Variants in PIWIL2 observed in about 807,000 individuals in gnomAD.
The protein encoded by PIWIL2 is piwi like RNA-mediated gene silencing 2, also known as piwi-like protein 2.
Under a neutral mutation model 116.5 loss-of-function variants are expected in PIWIL2, and 81 were observed. The ratio of observed to expected loss-of-function variants is 0.70; its 90% CI spans 0.58 to 0.84. The LOEUF is 0.84. PIWIL2 is among the 40% of genes least tolerant of loss of function. The pLI is 0.00. For synonymous variants in PIWIL2, 489 were observed against 429.5 expected (o/e 1.14, Z -1.71); for missense variants, 1,272 against 1,212.3 (o/e 1.05, Z -0.73).
chr8:22,340,623 G>A lies in PIWIL2; in HGVS notation c.2404-12336G>A, dbSNP rs115162346. Among the ~76,000 whole-genome samples, 984 of 152,276 alleles carry A rather than the reference G, an allele frequency of 6.5e-3. 12 individuals carry two copies. Among genetic ancestry groups the A allele is most frequent in the African/African-American group, 0.023 (941 of 41,570 alleles). On this transcript the variant is annotated intron_variant, in intron 20 of 22. Coordinates refer to ENST00000356766, the MANE Select transcript of PIWIL2 (RefSeq NM_018068.5). ...CGGGAGAAGGCAACAGGAAGGAGGAGGCAGAGATTGGAAGAATGTATCTGC... is the reference window on the plus strand; with the variant it reads ...CGGGAGAAGGCAACAGGAAGGAGGAAGCAGAGATTGGAAGAATGTATCTGC...
intron 20 of PIWIL2, among the ~76,000 whole-genome samples, chr8:22,322,572 C>A (rs1831623968): frequency 6.6e-6 from 1 of 150,894 alleles, no homozygotes; most frequent in Non-Finnish European, 1.5e-5. Context: ...CAGCTGAATA[C>A]CCTGTCCTGT....
chr8:22,347,488 A>T (rs1418794103), intron 20 of PIWIL2, among the ~76,000 whole-genome samples: 3 of 139,298 alleles, frequency 2.2e-5, no homozygotes, highest in Admixed American at 7.2e-5. Flanking sequence ...AAGTGCTGGG[A>T]TTACAGGCGT....
At chr8:22,283,877 A>G (rs531302396) in intron 5 of PIWIL2, among the ~76,000 whole-genome samples, 4 of 152,314 alleles carry the variant, frequency 2.6e-5, no homozygotes, top group South Asian at 4.1e-4. Context: ...ATCTTTCTCC[A>G]TAGAACTCAT....
intron 20 of PIWIL2, among the ~76,000 whole-genome samples, chr8:22,327,524 C>T (rs1425081164): frequency 6.6e-6 from 1 of 150,914 alleles, no homozygotes; most frequent in Admixed American, 6.6e-5. Flanking sequence ...TGCACCACCA[C>T]GCCCAGCTAA....
At chr8:22,280,510 G>A (rs1427550642) in intron 2 of PIWIL2, among the ~76,000 whole-genome samples, 1 of 152,206 alleles carries the variant, frequency 6.6e-6, no homozygotes, top group African/African-American at 2.4e-5. Flanking sequence ...TTTGTCAAAT[G>A]TATTATTTTT....
rs1830657135 is a variant in PIWIL2, at chr8:22,287,556, T to A, written c.772T>A (p.Phe258Ile). Residue 258 changes from phenylalanine to isoleucine, a missense_variant, in exon 7 of 23, where the codon TTC (phenylalanine) becomes ATC (isoleucine). Coordinates refer to ENST00000356766, the MANE Select transcript of PIWIL2 (RefSeq NM_018068.5). ...CAATGTGGAGTGCAAAAGCATGAGG[T>A]TCGGCATGTTGAAGGACCATCAAGC... is the stretch of plus-strand genomic sequence containing the variant. Reference protein sequence around the residue: ...SPNVECKSMRFGMLKDHQAVT... With the variant: ...SPNVECKSMRIGMLKDHQAVT... 8 of 1,613,664 alleles carry A rather than the reference T, an allele frequency of 5.0e-6. No homozygotes were observed. The highest frequency in any genetic ancestry group is 6.8e-6 in the Non-Finnish European group (8 of 1,179,526).
At chr8:22,323,544 A>T (rs1831657433) in intron 20 of PIWIL2, among the ~76,000 whole-genome samples, 1 of 152,128 alleles carries the variant, frequency 6.6e-6, no homozygotes, top group Admixed American at 6.5e-5. Flanking sequence ...CATTTTTTTT[A>T]AATCAGTGTT....
rs1390614932 is a variant in PIWIL2 at position 22,357,094 on chromosome 8, C to G, written c.*1589C>G. ...AAAACTCCGTAAAATGTGCTCACTT[C>G]AGCAGCACATATACTAAAATTAAAA... On this transcript the variant is annotated 3_prime_UTR_variant, in exon 23 of 23. Coordinates refer to ENST00000356766, the MANE Select transcript of PIWIL2 (RefSeq NM_018068.5). The G allele has an allele frequency of 6.6e-6, 1 of 152,108 alleles. No homozygotes were observed. The highest frequency in any genetic ancestry group is 1.5e-5 in the Non-Finnish European group (1 of 68,038). 9.4% of individuals were successfully genotyped at this position (152,108 alleles called of 1,614,324 possible). A position where few individuals can be genotyped will look rare whatever the true frequency, so the allele number is the denominator to read the frequency against.
intron 10 of PIWIL2, among the ~76,000 whole-genome samples, chr8:22,293,317 C>G (rs1208370694): frequency 1.3e-5 from 2 of 151,964 alleles, no homozygotes; most frequent in Non-Finnish European, 2.9e-5. Context: ...TTCAAAAAAA[C>G]AGAACTAGTT....
chr8:22,285,842 G>T (rs1048330442), intron 6 of PIWIL2, among the ~76,000 whole-genome samples: 4 of 151,802 alleles, frequency 2.6e-5, no homozygotes, highest in Non-Finnish European at 4.4e-5. Context: ...TCGGGGTTTT[G>T]CCATGTCGAC....
intron 18 of PIWIL2, 48 bp from the exon 19 acceptor site, chr8:22,316,197 C>A: frequency 9.2e-7 from 1 of 1,088,504 alleles, no homozygotes; most frequent in Non-Finnish European, 1.4e-6. Flanking sequence ...TGGAGGAATG[C>A]ATTGCTCAGG....
chr8:22,313,116 A>G (rs1201312605), intron 16 of PIWIL2, among the ~76,000 whole-genome samples: 1 of 152,214 alleles, frequency 6.6e-6, no homozygotes, highest in African/African-American at 2.4e-5. Flanking sequence ...TACAACTGAC[A>G]GTTTTCATGT....
intron 20 of PIWIL2, among the ~76,000 whole-genome samples, chr8:22,337,391 TTA>T (rs1275657132): frequency 6.6e-6 from 1 of 152,028 alleles, no homozygotes; most frequent in Non-Finnish European, 1.5e-5. Context: ...AGAAAACAAT[TTA>T]TGATTGCATA....
chr8:22,352,742 T>C (rs879810862), intron 20 of PIWIL2: 3 of 479,814 alleles, frequency 6.3e-6, no homozygotes, highest in Non-Finnish European at 1.1e-5. Context: ...TCATGTTTTA[T>C]AACACCTTTG....
At chr8:22,335,989 A>C (rs1464530550) in intron 20 of PIWIL2, among the ~76,000 whole-genome samples, 1 of 152,252 alleles carries the variant, frequency 6.6e-6, no homozygotes, top group East Asian at 1.9e-4. Flanking sequence ...GTAGAGACCC[A>C]AAAACAGAGG....
intron 10 of PIWIL2, among the ~76,000 whole-genome samples, chr8:22,302,372 G>A (rs1444812535): frequency 6.6e-6 from 1 of 151,928 alleles, no homozygotes; most frequent in Admixed American, 6.6e-5. Flanking sequence ...AGTAGAAATG[G>A]GTTTCATCAT....
intron 7 of PIWIL2, 136 bp downstream of exon 7, chr8:22,287,781 A>G (rs1156966240): frequency 1.4e-5 from 9 of 657,030 alleles, no homozygotes; most frequent in Admixed American, 8.5e-5. Context: ...CCCTGGGACT[A>G]CAGGCGTGTG....
intron 16 of PIWIL2, among the ~76,000 whole-genome samples, chr8:22,312,476 G>C (rs1831357276): frequency 6.6e-6 from 1 of 152,178 alleles, no homozygotes; most frequent in South Asian, 2.1e-4. Flanking sequence ...ATGTTGCCCA[G>C]GCTGGTCTCG....
At chr8:22,305,082 T>G (rs554964169) in intron 12 of PIWIL2, among the ~76,000 whole-genome samples, 1 of 152,252 alleles carries the variant, frequency 6.6e-6, no homozygotes, top group South Asian at 2.1e-4. Context: ...GAACTAAATA[T>G]CCACATAAGC....
Sources: allele counts gnomAD v4.1 joint callset (sites outside exome capture counted in the v4.1 genomes callset), GRCh38; gene constraint gnomAD v4.1.1; transcripts MANE v1.5; gene names NCBI Gene and HGNC (gene_info 2026-07-23, HGNC 2026-07-21).